The following MAP2 variants were observed in gnomAD, a reference collection of about 807,000 sequenced individuals.
MAP2 encodes microtubule associated protein 2.
Under a neutral mutation model 137.6 loss-of-function variants are expected in MAP2, and 14 were observed. The observed-to-expected ratio is 0.10, with a 90% CI of 0.07 to 0.16. MAP2 has a LOEUF of 0.16. Among genes scored for constraint, MAP2 ranks in the 10% least tolerant of loss-of-function variants. The pLI is 1.00. For missense variants in MAP2, 2,088 were observed against 2,191.5 expected, an observed-to-expected ratio of 0.95 and a Z score of 0.94; for synonymous variants, 786 against 782.3, an observed-to-expected ratio of 1.00 and a Z score of -0.08.
intron 3 of MAP2, among the ~76,000 whole-genome samples, chr2:209,602,203 G>A (rs1165470285): frequency 6.6e-6 from 1 of 152,104 alleles, no homozygotes; most frequent in Non-Finnish European, 1.5e-5. Flanking sequence ...CTCTCAAATG[G>A]AACAAATCAA....
chr2:209,624,075 T>C (rs1289746715), intron 3 of MAP2, among the ~76,000 whole-genome samples: 1 of 152,196 alleles, frequency 6.6e-6, no homozygotes, highest in East Asian at 1.9e-4. Context: ...TACACATTGG[T>C]CCTTAGAGGT....
At chr2:209,603,950 G>T (rs1391942097) in intron 3 of MAP2, among the ~76,000 whole-genome samples, 1 of 152,128 alleles carries the variant, frequency 6.6e-6, no homozygotes, top group Non-Finnish European at 1.5e-5. Flanking sequence ...ATGTGCAATT[G>T]TGTGGAGGGA....
At chr2:209,514,610 A>G (rs551930151) in intron 2 of MAP2, among the ~76,000 whole-genome samples, 25 of 152,150 alleles carry the variant, frequency 1.6e-4, no homozygotes, top group Non-Finnish European at 2.2e-4. Context: ...TAACCTAAAT[A>G]TAGGCCTTAT....
chr2:209,693,353 C>T lies in MAP2; in HGVS notation c.1183C>T (p.His395Tyr), dbSNP rs920200843. 1 of 1,612,656 alleles carries T rather than the reference C, an allele frequency of 6.2e-7. No homozygotes were observed. Among genetic ancestry groups the T allele is most frequent in the Non-Finnish European group, 8.5e-7 (1 of 1,179,702 alleles). The change falls in exon 8 of 16, where the codon CAC becomes TAC. Residue 395 changes from histidine (H) to tyrosine (Y), a missense_variant. His to Tyr is a moderately conservative substitution (Grantham distance 83). Around this residue, in one of 6 missense-constraint regions of MAP2, gnomAD observed 859 missense variants for 794.5 expected, o/e 1.08. Transcript: ENST00000682079. ...SEAMTLPKDA[H>Y]IPVVEEHVMG... ...GGCAATGACCTTACCCAAAGATGCT[C>T]ACATTCCAGTTGTAGAAGAACATGT...
chr2:209,692,098 A>G (rs963098577), intron 7 of MAP2, among the ~76,000 whole-genome samples: 1 of 152,192 alleles, frequency 6.6e-6, no homozygotes, highest in Non-Finnish European at 1.5e-5. Context: ...TTAACATTAT[A>G]TCATTGTGCA....
At chr2:209,473,646 C>G (rs1234766234) in intron 1 of MAP2, among the ~76,000 whole-genome samples, 1 of 151,962 alleles carries the variant, frequency 6.6e-6, no homozygotes, top group Admixed American at 6.6e-5. Flanking sequence ...TAGTTATCTA[C>G]TCTTACAGTT....
chr2:209,614,415 T>C (rs895515088), intron 3 of MAP2, among the ~76,000 whole-genome samples: 72 of 152,268 alleles, frequency 4.7e-4, no homozygotes, highest in Admixed American at 4.7e-3. Flanking sequence ...GCAATCTCTA[T>C]GCCAAGTCCC....
intron 5 of MAP2, among the ~76,000 whole-genome samples, chr2:209,675,425 T>C (rs1240313485): frequency 6.6e-6 from 1 of 151,914 alleles, no homozygotes; most frequent in East Asian, 1.9e-4. Flanking sequence ...TGAAACTAAA[T>C]TATCACTCAC....
chr2:209,726,965 G>A (rs192886561), intron 14 of MAP2, among the ~76,000 whole-genome samples: 1 of 152,226 alleles, frequency 6.6e-6, no homozygotes, highest in East Asian at 1.9e-4. Flanking sequence ...AATAACAATT[G>A]AGCTGTTAGC....
rs146009529 is a variant in MAP2 at position 209,472,682 on chromosome 2, G to A, written c.-221-34910G>A. Among the ~76,000 whole-genome samples the A allele has an allele frequency of 1.9e-3, 284 of 152,062 alleles. 1 individual carries two copies. The highest frequency in any genetic ancestry group is 6.3e-3 in the African/African-American group (262 of 41,502). On this transcript the variant is annotated intron_variant, in intron 1 of 15. Transcript: ENST00000682079. ...ATTTGCCCCCTTAAACCTTGAGGGA[G>A]GAGGAAAAAAAACAGGATTGTGTAA...
intron 2 of MAP2, among the ~76,000 whole-genome samples, chr2:209,563,830 G>GA (rs1331780161): frequency 1.3e-5 from 2 of 152,096 alleles, no homozygotes; most frequent in Non-Finnish European, 2.9e-5. Flanking sequence ...GCTTTGCGTT[G>GA]AAAAAATAAG....
chr2:209,657,802 T>A (rs1397874383), intron 5 of MAP2, among the ~76,000 whole-genome samples: 2 of 152,176 alleles, frequency 1.3e-5, no homozygotes, highest in East Asian at 3.8e-4. Context: ...TTTTGTTGCA[T>A]TTACTTTTGG....
chr2:209,434,300 A>G (rs1420897455), intron 1 of MAP2, among the ~76,000 whole-genome samples: 4 of 151,904 alleles, frequency 2.6e-5, no homozygotes, highest in Non-Finnish European at 5.9e-5. Context: ...CATGCCCTCA[A>G]TAAACAAAAT....
chr2:209,725,907 C>T, intron 14 of MAP2, 117 bp downstream of exon 14: 2 of 571,628 alleles, frequency 3.5e-6, no homozygotes, highest in Non-Finnish European at 6.0e-6. Context: ...AATATGGGTA[C>T]TTCACATTTT....
chr2:209,433,378 G>A (rs1339895299), intron 1 of MAP2, among the ~76,000 whole-genome samples: 4 of 152,044 alleles, frequency 2.6e-5, no homozygotes, highest in African/African-American at 4.8e-5. Context: ...GCAGGAAGAA[G>A]CTTGGTATAT....
At chr2:209,689,351 AC>A (rs202212508) in intron 7 of MAP2, among the ~76,000 whole-genome samples, 1,539 of 152,192 alleles carry the variant, frequency 0.01, 13 homozygotes, top group Non-Finnish European at 0.014. Context: ...TTTCTAAAAA[AC>A]AAAATAAAAG....
chr2:209,709,359 C>T (rs1179196856), intron 12 of MAP2, among the ~76,000 whole-genome samples: 1 of 152,134 alleles, frequency 6.6e-6, no homozygotes, highest in Non-Finnish European at 1.5e-5. Context: ...TCCATAAACA[C>T]ATTTACACCT....
In MAP2 at chr2:209,694,025, G is replaced by A; in HGVS notation, c.1855G>A (p.Glu619Lys). The A allele has an allele frequency of 6.2e-7, 1 of 1,613,910 alleles. No individual in the cohort carries two copies. Among genetic ancestry groups the A allele is most frequent in the Non-Finnish European group, 8.5e-7 (1 of 1,179,970 alleles). ...MSPMHKNGDK[E>K]FQTGKESQPS... ...TCCCATGCATAAAAATGGTGACAAG[G>A]AGTTTCAAACAGGAAAAGAATCCCA... The change falls in exon 8 of 16, where the codon GAG (glutamate) becomes AAG (lysine). Residue 619 changes from glutamate to lysine, a missense_variant. Coordinates refer to ENST00000682079, the MANE Select transcript of MAP2 (RefSeq NM_001375505.1).
rs751930767 is a variant in MAP2, at chr2:209,723,633, T to C, written c.5074-2076T>C. The C allele has an allele frequency of 2.2e-5, 35 of 1,613,888 alleles. No homozygotes were observed. The Admixed American group carries it at 5.3e-4, about 25-fold the overall frequency. ...ACAAGAAGATCGATTTTAGCAAAGTTCAGTCCAGATGTGGTTCCAAGGATA... is the reference window on the plus strand; with the variant it reads ...ACAAGAAGATCGATTTTAGCAAAGTCCAGTCCAGATGTGGTTCCAAGGATA... On this transcript the variant is annotated intron_variant, in intron 13 of 15. Coordinates refer to ENST00000682079, the MANE Select transcript of MAP2 (RefSeq NM_001375505.1).
Sources: allele counts gnomAD v4.1 joint callset (sites outside exome capture counted in the v4.1 genomes callset), GRCh38; gene constraint gnomAD v4.1.1; regional missense constraint gnomAD v4.1.1; transcripts MANE v1.5; gene names NCBI Gene and HGNC (gene_info 2026-07-23, HGNC 2026-07-21).